The following RABGAP1L variants were observed in gnomAD, a reference collection of about 807,000 sequenced individuals.
The protein encoded by RABGAP1L is RAB GTPase activating protein 1 like.
A neutral mutation model predicts 137.7 loss-of-function variants in RABGAP1L; 63 were observed. That is an observed-to-expected ratio of 0.46 (90% CI 0.37 to 0.56). The LOEUF (loss-of-function observed/expected upper bound fraction) is 0.56, where lower values mean the gene tolerates loss of function less well. RABGAP1L is among the 20% of genes least tolerant of loss of function. RABGAP1L has a pLI of 0.00. For missense variants in RABGAP1L, 1,095 were observed against 1,244.0 expected (o/e 0.88, Z 1.80); for synonymous variants, 431 against 433.7 (o/e 0.99, Z 0.08).
chr1:174,780,132 A>C (rs891809596), intron 18 of RABGAP1L, among the ~76,000 whole-genome samples: 3 of 151,698 alleles, frequency 2.0e-5, no homozygotes, highest in African/African-American at 7.3e-5. Flanking sequence ...AATAAGCCCT[A>C]ATTAAAATTT....
chr1:174,388,155 T>A (rs1215928590), intron 12 of RABGAP1L, among the ~76,000 whole-genome samples: 1 of 152,094 alleles, frequency 6.6e-6, no homozygotes, highest in East Asian at 1.9e-4. Flanking sequence ...TTTGGGGAAA[T>A]ATTTTTTAAA....
chr1:174,540,155 G>C (rs1338065410), intron 13 of RABGAP1L, among the ~76,000 whole-genome samples: 1 of 152,076 alleles, frequency 6.6e-6, no homozygotes, highest in Non-Finnish European at 1.5e-5. Context: ...ATTTTTTCTT[G>C]TAAATTTGTT....
chr1:174,910,493 C>T (rs1488303097), intron 19 of RABGAP1L, among the ~76,000 whole-genome samples: 2 of 152,024 alleles, frequency 1.3e-5, no homozygotes, highest in Non-Finnish European at 2.9e-5. Flanking sequence ...CCTCCTAGGA[C>T]CAGAACAAGA....
intron 1 of RABGAP1L, among the ~76,000 whole-genome samples, chr1:174,215,900 C>T (rs932140601): frequency 2.9e-5 from 4 of 136,678 alleles, no homozygotes; most frequent in Admixed American, 7.3e-5. Context: ...TTGGAAGCAA[C>T]GTTAAGTGTC....
At chr1:174,449,110 G>A (rs1401293842) in intron 13 of RABGAP1L, 2 of 1,613,818 alleles carry the variant, frequency 1.2e-6, no homozygotes, top group Admixed American at 1.7e-5. Context: ...GACTGTCTGA[G>A]ACAATGTGCA....
chr1:174,338,450 T>A (rs533200247), intron 11 of RABGAP1L, among the ~76,000 whole-genome samples: 1 of 152,226 alleles, frequency 6.6e-6, no homozygotes, highest in Admixed American at 6.5e-5. Flanking sequence ...TGACAAAGAA[T>A]ATATTTTAAT....
At chr1:174,268,618 A>G (rs1353730133) in intron 7 of RABGAP1L, among the ~76,000 whole-genome samples, 3 of 152,054 alleles carry the variant, frequency 2.0e-5, no homozygotes, top group African/African-American at 7.3e-5. Flanking sequence ...ATTCCTAATG[A>G]TTTGATAGAC....
chr1:174,414,473 C>T (rs895990265), intron 13 of RABGAP1L, among the ~76,000 whole-genome samples: 4 of 151,980 alleles, frequency 2.6e-5, no homozygotes, highest in African/African-American at 9.7e-5. Flanking sequence ...AGGATACTGT[C>T]CTACTATATA....
intron 13 of RABGAP1L, among the ~76,000 whole-genome samples, chr1:174,471,037 G>GA (rs140550042): frequency 0.14 from 21,320 of 150,088 alleles, 5,000 homozygotes; most frequent in African/African-American, 0.49. Context: ...AGGTATTTAG[G>GA]AAAAAAAAAC....
chr1:174,847,093 C>T (rs1272847684), intron 19 of RABGAP1L, among the ~76,000 whole-genome samples: 1 of 141,816 alleles, frequency 7.1e-6, no homozygotes, highest in Non-Finnish European at 1.5e-5. Context: ...GATCTTCCTC[C>T]ATCCTTTTAT....
chr1:174,739,529 T>G (rs1683216071), intron 17 of RABGAP1L, among the ~76,000 whole-genome samples: 1 of 152,180 alleles, frequency 6.6e-6, no homozygotes, highest in Non-Finnish European at 1.5e-5. Flanking sequence ...CTCCTGGAAG[T>G]TCTTAAAAAT....
At chr1:174,226,799 A>G (rs868605889) in intron 3 of RABGAP1L, among the ~76,000 whole-genome samples, 7 of 151,092 alleles carry the variant, frequency 4.6e-5, no homozygotes, top group Non-Finnish European at 1.0e-4. Context: ...ATTTTCATCT[A>G]TTTTTATCTT....
At chr1:174,331,183 A>G (rs374035701) in intron 11 of RABGAP1L, among the ~76,000 whole-genome samples, 3 of 152,210 alleles carry the variant, frequency 2.0e-5, no homozygotes, top group Admixed American at 6.5e-5. Context: ...ATGTAAGTCA[A>G]TTCAAAAGGA....
At chr1:174,553,985 T>C (rs1666719102) in intron 13 of RABGAP1L, among the ~76,000 whole-genome samples, 1 of 152,048 alleles carries the variant, frequency 6.6e-6, no homozygotes, top group South Asian at 2.1e-4. Flanking sequence ...AGTGAGACCT[T>C]GTCTCAAAAA....
chr1:174,731,057 C>T (rs192912945), intron 17 of RABGAP1L, among the ~76,000 whole-genome samples: 2 of 152,266 alleles, frequency 1.3e-5, no homozygotes, highest in East Asian at 1.9e-4. Flanking sequence ...TCACTGCAAC[C>T]TCTGCCTCCT....
At chr1:174,385,118 A>G (rs1284528060) in intron 12 of RABGAP1L, among the ~76,000 whole-genome samples, 1 of 152,238 alleles carries the variant, frequency 6.6e-6, no homozygotes. Flanking sequence ...AGGTGGAAGC[A>G]GGCAGATTAG....
chr1:174,549,411 A>G (rs576144402), intron 13 of RABGAP1L, among the ~76,000 whole-genome samples: 1 of 152,318 alleles, frequency 6.6e-6, no homozygotes, highest in African/African-American at 2.4e-5. Context: ...ATAACATAAG[A>G]AAGCATTAAA....
chr1:174,454,799 G>A (rs932604628), intron 13 of RABGAP1L, among the ~76,000 whole-genome samples: 1 of 151,810 alleles, frequency 6.6e-6, no homozygotes, highest in East Asian at 1.9e-4. Flanking sequence ...TGTTCTACCC[G>A]CCTCAGCCCT....
intron 18 of RABGAP1L, among the ~76,000 whole-genome samples, chr1:174,809,034 A>C (rs573139247): frequency 8.5e-5 from 13 of 152,182 alleles, no homozygotes; most frequent in Admixed American, 2.0e-4. Context: ...AAGTTTGCCA[A>C]AGTTGAAGTT....
Sources: gnomAD v4.1 joint callset for allele counts (sites outside exome capture counted in the v4.1 genomes callset) on GRCh38, gnomAD v4.1.1 for gene constraint, MANE v1.5 for transcripts, NCBI Gene and HGNC (gene_info 2026-07-23, HGNC 2026-07-21) for gene names.